The following DGKB variants were observed in gnomAD, a reference collection of about 807,000 sequenced individuals.
DGKB encodes the protein diacylglycerol kinase beta, also known as 90 kDa diacylglycerol kinase.
Under a neutral mutation model 114.3 loss-of-function variants are expected in DGKB, and 67 were observed. The ratio of observed to expected loss-of-function variants is 0.59; its 90% confidence interval spans 0.48 to 0.72. The LOEUF is 0.72. Ranked by LOEUF, DGKB falls within the 30% of genes least tolerant of loss-of-function variation. The pLI, the probability that DGKB is intolerant of heterozygous loss-of-function variation, is 0.00. For synonymous variants in DGKB, 398 were observed against 323.1 expected (o/e 1.23, Z -2.49); for missense variants, 907 against 975.2 (o/e 0.93, Z 0.93).
chr7:14,264,942 A>C (rs1797274179), intron 23 of DGKB, among the ~76,000 whole-genome samples: 2 of 152,184 alleles, frequency 1.3e-5, no homozygotes. Flanking sequence ...CAAAGACTTT[A>C]CCAGAAGTAG....
rs35165827 is a variant in DGKB at position 14,379,043 on chromosome 7, AT to A, written c.1836-33653del. On this transcript the variant is annotated intron_variant, in intron 21 of 25. Transcript: ENST00000402815. ...AATGTCATCTGAGGAAAAAAATCTC[AT>A]TTTTTTTTTCAGTTTTTACCAACAT... 1.8e-4 allele frequency among the ~76,000 whole-genome samples: 27 copies of A among 149,722 alleles called. No homozygotes were observed. In the South Asian group the frequency reaches 3.0e-3, roughly 16 times the overall value.
chr7:14,818,248 G>A (rs1844438961), intron 2 of DGKB, among the ~76,000 whole-genome samples: 1 of 152,190 alleles, frequency 6.6e-6, no homozygotes. Flanking sequence ...ACCATTGAAA[G>A]TAGTTTAAAG....
chr7:14,949,803 G>A (rs1786079667), intron 1 of DGKB, among the ~76,000 whole-genome samples: 1 of 151,964 alleles, frequency 6.6e-6, no homozygotes, highest in African/African-American at 2.4e-5. Context: ...TCCTTCATAG[G>A]GACATGGATG....
At chr7:14,744,322 T>C (rs967325781) in intron 4 of DGKB, among the ~76,000 whole-genome samples, 5 of 152,204 alleles carry the variant, frequency 3.3e-5, no homozygotes, top group South Asian at 2.1e-4. Flanking sequence ...ATGGGTTGTT[T>C]TACCAAGGCT....
At chr7:14,759,148 C>G (rs1170197042) in intron 2 of DGKB, among the ~76,000 whole-genome samples, 1 of 152,142 alleles carries the variant, frequency 6.6e-6, no homozygotes, top group Non-Finnish European at 1.5e-5. Flanking sequence ...TGGTGTCGAA[C>G]CCCTGACCTC....
At chr7:14,229,596 AT>A (rs1791396428) in intron 23 of DGKB, among the ~76,000 whole-genome samples, 2 of 152,044 alleles carry the variant, frequency 1.3e-5, no homozygotes, top group African/African-American at 4.8e-5. Flanking sequence ...AGCATTATTT[AT>A]TTGTTTCTAT....
At chr7:14,518,666 C>CTATAGGAATT (rs1405261810) in intron 20 of DGKB, among the ~76,000 whole-genome samples, 1 of 152,022 alleles carries the variant, frequency 6.6e-6, no homozygotes, top group East Asian at 1.9e-4. Flanking sequence ...AATTCTACTA[C>CTATAGGAATT]TATAGGAATT....
chr7:14,615,098 A>G (rs1227392263), intron 15 of DGKB, among the ~76,000 whole-genome samples: 1 of 152,068 alleles, frequency 6.6e-6, no homozygotes, highest in Non-Finnish European at 1.5e-5. Flanking sequence ...TAACGTTTTC[A>G]TAAGCAAATA....
At chr7:14,404,239 A>T (rs1187636640) in intron 21 of DGKB, among the ~76,000 whole-genome samples, 1 of 151,488 alleles carries the variant, frequency 6.6e-6, no homozygotes, top group East Asian at 1.9e-4. Context: ...TGAATCATAC[A>T]TATGTCTCGG....
chr7:14,833,637 C>T (rs1380909064), intron 2 of DGKB, among the ~76,000 whole-genome samples: 3 of 152,038 alleles, frequency 2.0e-5, no homozygotes, highest in Non-Finnish European at 4.4e-5. Flanking sequence ...GTGACTATTG[C>T]TAAATTCTTC....
intron 13 of DGKB, among the ~76,000 whole-genome samples, chr7:14,641,751 G>A (rs932371143): frequency 1.8e-4 from 27 of 151,898 alleles, no homozygotes; most frequent in Admixed American, 1.5e-3. Flanking sequence ...TTTGATCACT[G>A]AAAATTTAAC....
intron 21 of DGKB, 35 bp downstream of exon 21, chr7:14,478,126 C>T: frequency 2.7e-6 from 4 of 1,456,046 alleles, no homozygotes; most frequent in Non-Finnish European, 3.8e-6. Context: ...AATTCAGCAA[C>T]TATATCTATA....
In DGKB at chr7:14,970,380, C is replaced by G. The variant is rs192573275; in HGVS notation, c.-188+4316G>C. Reference sequence around the variant, plus strand: ...CAAATAGTATGGTTTCCAGAAGTGACAAGTGCTATAAAGAAGTAAAACAGG... The same window carrying G: ...CAAATAGTATGGTTTCCAGAAGTGAGAAGTGCTATAAAGAAGTAAAACAGG... On this transcript the variant is annotated intron_variant, in intron 1 of 4. Coordinates refer to the DGKB transcript ENST00000437998. 1.1e-4 allele frequency among the ~76,000 whole-genome samples: 16 copies of G among 151,586 alleles called. No individual in the cohort carries two copies. In the East Asian group the frequency reaches 3.1e-3, roughly 30 times the overall value.
chr7:14,973,805 A>C (rs1445539246), intron 1 of DGKB, among the ~76,000 whole-genome samples: 2 of 148,362 alleles, frequency 1.3e-5, no homozygotes, highest in South Asian at 2.1e-4. Flanking sequence ...TAAATTTCAG[A>C]TAGGTTGTGT....
intron 25 of DGKB, among the ~76,000 whole-genome samples, chr7:14,155,066 A>G (rs990015361): frequency 6.6e-6 from 1 of 152,036 alleles, no homozygotes; most frequent in Non-Finnish European, 1.5e-5. Context: ...CAAGAACGCC[A>G]GATGATTCCT....
At chr7:14,174,310 G>T (rs1781415585) in intron 25 of DGKB, among the ~76,000 whole-genome samples, 1 of 152,160 alleles carries the variant, frequency 6.6e-6, no homozygotes, top group Non-Finnish European at 1.5e-5. Flanking sequence ...GTCTTCCTCA[G>T]TTATTTCCTT....
rs1297641053 is a variant in DGKB, at chr7:14,829,709, C to T, written c.70+11485G>A. ...TTTGATCATACTGTAGATAAGGTAA[C>T]AAGAGGAAAATTAACACAGAACTCT... On this transcript the variant is annotated intron_variant, in intron 2 of 25. Coordinates refer to ENST00000402815, the MANE Select transcript of DGKB (RefSeq NM_001350709.2). Among the ~76,000 whole-genome samples the T allele has an allele frequency of 2.6e-5, 4 of 152,104 alleles. No homozygotes were observed. In the East Asian group the frequency reaches 7.7e-4, roughly 29 times the overall value.
At chr7:14,887,127 T>C (rs1408484140) in intron 1 of DGKB, among the ~76,000 whole-genome samples, 1 of 151,866 alleles carries the variant, frequency 6.6e-6, no homozygotes, top group Non-Finnish European at 1.5e-5. Flanking sequence ...GTGGTTATTA[T>C]ATATGTTTTC....
At chr7:14,790,680 A>G (rs1840546324) in intron 2 of DGKB, among the ~76,000 whole-genome samples, 1 of 152,194 alleles carries the variant, frequency 6.6e-6, no homozygotes, top group South Asian at 2.1e-4. Flanking sequence ...AATCCTGCAA[A>G]TATCACAGGC....
Sources: gnomAD v4.1 joint callset for allele counts (sites outside exome capture counted in the v4.1 genomes callset) on GRCh38, gnomAD v4.1.1 for gene constraint, MANE v1.5 for transcripts, NCBI Gene and HGNC (gene_info 2026-07-23, HGNC 2026-07-21) for gene names.